The following GPC3 variants were observed in gnomAD, a reference collection of about 807,000 sequenced individuals.
GPC3 encodes glypican-3.
In GPC3, 3 loss-of-function variants were observed where a neutral mutation model predicts 34.4. The observed-to-expected ratio is 0.09, with a 90% CI of 0.04 to 0.23. GPC3 has a LOEUF of 0.23. GPC3 is among the 10% of genes least tolerant of loss of function. GPC3 has a pLI of 1.00. For missense variants in GPC3, 351 were observed against 445.6 expected, an observed-to-expected ratio of 0.79 and a Z score of 1.91; for synonymous variants, 177 against 174.0, an observed-to-expected ratio of 1.02 and a Z score of -0.13.
chrX:133,653,909 C>T (rs185091283), intron 6 of GPC3, among the ~76,000 whole-genome samples: 21 of 111,375 alleles, frequency 1.9e-4, no homozygotes, highest in African/African-American at 6.8e-4. Flanking sequence ...GAATATTAAC[C>T]TGTTCATTTC....
intron 6 of GPC3, among the ~76,000 whole-genome samples, chrX:133,596,910 T>C (rs1041762729): frequency 2.7e-5 from 3 of 110,779 alleles, no homozygotes; most frequent in African/African-American, 9.8e-5. Context: ...CATGATACAA[T>C]TCACTGATGA....
At chrX:133,639,044 T>C (rs1320267115) in intron 6 of GPC3, among the ~76,000 whole-genome samples, 3 of 111,059 alleles carry the variant, frequency 2.7e-5, no homozygotes, top group Admixed American at 9.6e-5. Flanking sequence ...CACTTCATTA[T>C]CCCAACCTCA....
chrX:133,823,928 C>T (rs1236066942), intron 2 of GPC3, among the ~76,000 whole-genome samples: 1 of 105,770 alleles, frequency 9.5e-6, no homozygotes, highest in African/African-American at 3.5e-5. Flanking sequence ...GAGCCAAGAT[C>T]GTGCCACTGC....
intron 2 of GPC3, among the ~76,000 whole-genome samples, chrX:133,948,240 A>G (rs1384863038): frequency 1.8e-5 from 2 of 111,575 alleles, no homozygotes; most frequent in Middle Eastern, 4.2e-3. Flanking sequence ...GTCCCTAAAC[A>G]GTTATTTCAA....
At chrX:133,668,288 G>T (rs1322469446) in intron 5 of GPC3, among the ~76,000 whole-genome samples, 1 of 111,689 alleles carries the variant, frequency 9.0e-6, no homozygotes, top group African/African-American at 3.3e-5. Context: ...GAACATGAAT[G>T]TAAATTATCA....
intron 5 of GPC3, among the ~76,000 whole-genome samples, chrX:133,665,482 C>T (rs997785204): frequency 2.7e-5 from 3 of 112,168 alleles, no homozygotes; most frequent in African/African-American, 9.7e-5. Flanking sequence ...AACATGCATG[C>T]TAACAGAGGA....
chrX:133,828,085 AAT>A (rs1569441330), intron 2 of GPC3, among the ~76,000 whole-genome samples: 3 of 111,792 alleles, frequency 2.7e-5, no homozygotes, highest in African/African-American at 9.7e-5. Context: ...ATAACACAAA[AAT>A]ATATAGTTAA....
intron 3 of GPC3, among the ~76,000 whole-genome samples, chrX:133,717,213 C>G (rs2071322952): frequency 9.0e-6 from 1 of 110,565 alleles, no homozygotes; most frequent in Non-Finnish European, 1.9e-5. Context: ...CTGCCCACCT[C>G]AGCCTCCCAA....
At chrX:133,687,269 C>T (rs1251437510) in intron 5 of GPC3, among the ~76,000 whole-genome samples, 2 of 105,583 alleles carry the variant, frequency 1.9e-5, no homozygotes, top group African/African-American at 6.9e-5. Flanking sequence ...TTTCCTCATC[C>T]TTCTCTAGGT....
chrX:133,791,797 T>TTTCCTTCCTTCCTTCCTTCCTTCC (rs199692354), intron 2 of GPC3, among the ~76,000 whole-genome samples: 2 of 80,216 alleles, frequency 2.5e-5, no homozygotes, highest in Admixed American at 1.5e-4. Context: ...TCCTTTTTCT[T>TTTCCTTCCTTCCTTCCTTCCTTCC]TTCCTTCCTT....
At chrX:133,687,594 T>A (rs775250990) in intron 5 of GPC3, among the ~76,000 whole-genome samples, 89 of 107,897 alleles carry the variant, frequency 8.2e-4, no homozygotes, top group Non-Finnish European at 9.0e-4. Flanking sequence ...ATAATTTTTT[T>A]AAAAAATATT....
chrX:133,912,555 C>T (rs1331231238), intron 2 of GPC3, among the ~76,000 whole-genome samples: 2 of 105,555 alleles, frequency 1.9e-5, no homozygotes, highest in Non-Finnish European at 3.9e-5. Flanking sequence ...CGTGTTATTC[C>T]AAAGCAATTG....
At chrX:133,822,809 A>G (rs1466577515) in intron 2 of GPC3, among the ~76,000 whole-genome samples, 1 of 111,258 alleles carries the variant, frequency 9.0e-6, no homozygotes, top group Non-Finnish European at 1.9e-5. Context: ...AAATGTCCAG[A>G]ACACATATAA....
intron 6 of GPC3, among the ~76,000 whole-genome samples, chrX:133,602,771 A>C (rs1011687583): frequency 1.8e-5 from 2 of 111,945 alleles, no homozygotes; most frequent in Admixed American, 1.9e-4. Context: ...GTATACACGT[A>C]TTGAACTATC....
intron 5 of GPC3, among the ~76,000 whole-genome samples, chrX:133,677,054 T>A (rs2070890848): frequency 8.9e-6 from 1 of 111,820 alleles, no homozygotes. Context: ...TGAATTCCAT[T>A]TTCTTTTTCC....
chrX:133,600,349 C>G (rs766665744), intron 6 of GPC3, among the ~76,000 whole-genome samples: 4 of 111,982 alleles, frequency 3.6e-5, no homozygotes, highest in Non-Finnish European at 7.5e-5. Context: ...AGACACATAG[C>G]TAATCTTTGA....
chrX:133,786,771 G>A (rs377706671), intron 2 of GPC3, among the ~76,000 whole-genome samples: 4 of 110,053 alleles, frequency 3.6e-5, no homozygotes, highest in African/African-American at 6.6e-5. Flanking sequence ...TTTCCTTTTC[G>A]CCCAATAAAA....
intron 6 of GPC3, among the ~76,000 whole-genome samples, chrX:133,643,979 C>G (rs991976708): frequency 9.1e-6 from 1 of 109,403 alleles, no homozygotes; most frequent in Non-Finnish European, 1.9e-5. Flanking sequence ...AGGTGCCCAC[C>G]ACCATGCCCA....
At chrX:133,775,749 T>C (rs1014354550) in intron 2 of GPC3, among the ~76,000 whole-genome samples, 16 of 111,637 alleles carry the variant, frequency 1.4e-4, no homozygotes, top group Non-Finnish European at 2.8e-4. Context: ...GAAAAAGAGA[T>C]ACCTTGGGAA....
Sources: gnomAD v4.1 joint callset for allele counts (sites outside exome capture counted in the v4.1 genomes callset) on GRCh38, gnomAD v4.1.1 for gene constraint, MANE v1.5 for transcripts, NCBI Gene and HGNC (gene_info 2026-07-23, HGNC 2026-07-21) for gene names.